SGPP1: variants seen among roughly 807,000 people sequenced by gnomAD.
SGPP1 encodes the protein hSPP1.
SGPP1 carries 21 observed loss-of-function variants against 33.0 expected under a neutral mutation model. The observed-to-expected ratio is 0.64, with a 90% CI of 0.45 to 0.92. The LOEUF (loss-of-function observed/expected upper bound fraction) is 0.92. SGPP1 is among the 40% of genes least tolerant of loss of function. SGPP1 has a pLI of 0.00. For missense variants in SGPP1, 543 were observed against 589.4 expected (o/e 0.92, Z 0.81); for synonymous variants, 239 against 241.2 (o/e 0.99, Z 0.08).
chr14:63,713,015 G>A (rs1885556482), intron 1 of SGPP1, among the ~76,000 whole-genome samples: 1 of 151,310 alleles, frequency 6.6e-6, no homozygotes, highest in Admixed American at 6.6e-5. Flanking sequence ...GCCTCCCAAA[G>A]TTCTGGGATT....
intron 1 of SGPP1, among the ~76,000 whole-genome samples, chr14:63,699,638 G>A (rs1885254808): frequency 6.6e-6 from 1 of 152,046 alleles, no homozygotes; most frequent in Non-Finnish European, 1.5e-5. Context: ...ATTCCCAGGT[G>A]TGATAATAGC....
intron 1 of SGPP1, among the ~76,000 whole-genome samples, chr14:63,716,355 GT>G (rs1885626163): frequency 6.6e-6 from 1 of 151,924 alleles, no homozygotes; most frequent in Admixed American, 6.6e-5. Flanking sequence ...TTACCTGGGT[GT>G]GGTGGCGAGC....
At chr14:63,696,078 A>C (rs989950182) in intron 2 of SGPP1, among the ~76,000 whole-genome samples, 8 of 152,160 alleles carry the variant, frequency 5.3e-5, no homozygotes, top group Admixed American at 2.0e-4. Flanking sequence ...ACTTGAGGTC[A>C]GGAGTTCGAG....
At chr14:63,724,181 T>C (rs530458768) in intron 1 of SGPP1, among the ~76,000 whole-genome samples, 1 of 152,180 alleles carries the variant, frequency 6.6e-6, no homozygotes, top group South Asian at 2.1e-4. Flanking sequence ...CACCTGGCCA[T>C]ATACTGTCAT....
intron 1 of SGPP1, among the ~76,000 whole-genome samples, chr14:63,711,885 C>G (rs1347343983): frequency 6.6e-6 from 1 of 151,962 alleles, no homozygotes; most frequent in African/African-American, 2.4e-5. Context: ...TAAAACTTAG[C>G]TAGGCGTGGT....
intron 2 of SGPP1, among the ~76,000 whole-genome samples, chr14:63,688,714 CTTTT>C (rs776698745): frequency 7.1e-6 from 1 of 140,884 alleles, no homozygotes; most frequent in African/African-American, 2.7e-5. Context: ...ACCGTCATTT[CTTTT>C]TTTTTTCTTT....
rs1669033988 is a variant in SGPP1 at position 63,727,600 on chromosome 14, G to C, written c.345C>G (p.Gly115=). ...AGALRRNSLT[G]EEGQLARVSN... ...TCACGCGGGCCAGCTGGCCCTCCTC[G>C]CCCGTCAGCGAGTTGCGGCGCAGAG... Residue 115 remains glycine, a synonymous_variant, in exon 1 of 3, where the codon GGC becomes GGG. Coordinates refer to ENST00000247225, the MANE Select transcript of SGPP1 (RefSeq NM_030791.4). The C allele has an allele frequency of 5.2e-6, 8 of 1,546,312 alleles. No homozygotes were observed. Among genetic ancestry groups the C allele is most frequent in the African/African-American group, 1.4e-5 (1 of 71,078 alleles).
intron 1 of SGPP1, among the ~76,000 whole-genome samples, chr14:63,722,448 T>C (rs1441034214): frequency 6.6e-6 from 1 of 151,350 alleles, no homozygotes. Context: ...GGAGAACTAC[T>C]TGAACCCAGG....
In SGPP1 at chr14:63,727,270, G is replaced by A. The variant is rs770398721; in HGVS notation, c.675C>T (p.Gly225=). 9 of 1,610,422 alleles carry A rather than the reference G, an allele frequency of 5.6e-6. No homozygotes were observed. In the East Asian group the frequency reaches 2.0e-4, roughly 36 times the overall value. The change falls in exon 1 of 3, where the codon GGC becomes GGT. Residue 225 remains glycine, a synonymous_variant. Transcript: ENST00000247225. The stretch of plus-strand genomic sequence containing the variant: ...CGAGAAGGAACCCTACCTGCCAGCG[G>A]CCATAGGTGAGGAGGACCATAGAAA... ...IPISMVLLTY[G]RWQYPLIYGL...
chr14:63,709,072 G>A (rs1257698490), intron 1 of SGPP1, among the ~76,000 whole-genome samples: 4 of 152,146 alleles, frequency 2.6e-5, no homozygotes, highest in Non-Finnish European at 5.9e-5. Context: ...AGGTAGAAGA[G>A]AGCTTAAAGA....
At chr14:63,700,050 C>T (rs951524072) in intron 1 of SGPP1, among the ~76,000 whole-genome samples, 2 of 151,712 alleles carry the variant, frequency 1.3e-5, no homozygotes, top group African/African-American at 2.4e-5. Flanking sequence ...GCAGTCTCAA[C>T]CTCCCAGGCT....
At chr14:63,711,290 C>T (rs1314779657) in intron 1 of SGPP1, among the ~76,000 whole-genome samples, 2 of 152,190 alleles carry the variant, frequency 1.3e-5, no homozygotes, top group African/African-American at 4.8e-5. Flanking sequence ...GCTGGGATTA[C>T]AGGCGTGAGC....
intron 1 of SGPP1, among the ~76,000 whole-genome samples, chr14:63,709,304 G>A (rs1396737519): frequency 6.6e-6 from 1 of 151,600 alleles, no homozygotes; most frequent in Non-Finnish European, 1.5e-5. Flanking sequence ...AACCCAGGCG[G>A]CAGAGGTTGC....
At chr14:63,700,057 G>A (rs1885264391) in intron 1 of SGPP1, among the ~76,000 whole-genome samples, 1 of 151,860 alleles carries the variant, frequency 6.6e-6, no homozygotes, top group Admixed American at 6.6e-5. Context: ...CAACCTCCCA[G>A]GCTCAAGCAA....
rs190170493 is a variant in SGPP1 at position 63,686,482 on chromosome 14, C to G, written c.949G>C (p.Gly317Arg). Residue 317 changes from glycine to arginine, a missense_variant, in exon 3 of 3, where the codon GGA becomes CGA. Physicochemically the swap from Gly to Arg is moderately radical, Grantham distance 125. Coordinates refer to ENST00000247225, the MANE Select transcript of SGPP1 (RefSeq NM_030791.4). ...CTTCCTAGTATCTCGGCTGTGTCTCCTCGGGATGTGCTCCAGGTGTCAAGA... is the reference window on the plus strand; with the variant it reads ...CTTCCTAGTATCTCGGCTGTGTCTCGTCGGGATGTGCTCCAGGTGTCAAGA... ...FTLDTWSTSR[G>R]DTAEILGSGA... 11 of 1,613,908 alleles carry G rather than the reference C, an allele frequency of 6.8e-6. No homozygotes were observed. Among genetic ancestry groups the G allele is most frequent in the Middle Eastern group, 3.3e-4 (2 of 6,084 alleles).
chr14:63,717,438 C>T (rs933731534), intron 1 of SGPP1, among the ~76,000 whole-genome samples: 6 of 151,934 alleles, frequency 3.9e-5, no homozygotes, highest in African/African-American at 1.5e-4. Context: ...TCTCCTGCCT[C>T]AACCTCCCGA....
chr14:63,684,638 T>C lies in SGPP1; in HGVS notation c.*1467A>G, dbSNP rs963924666. ...CTGAAGTGATAGTTCTGGATAATCA[T>C]ACAGATATTGCACTAAAATCAGTAA... On this transcript the variant is annotated 3_prime_UTR_variant, in exon 3 of 3. Transcript: ENST00000247225. 1 of 152,488 alleles carries C rather than the reference T, an allele frequency of 6.6e-6. No individual in the cohort carries two copies. Among genetic ancestry groups the C allele is most frequent in the Non-Finnish European group, 1.5e-5 (1 of 67,906 alleles). The allele number at this position is 152,488 out of a possible 1,614,324, so 9.4% of individuals were successfully genotyped here.
intron 1 of SGPP1, among the ~76,000 whole-genome samples, chr14:63,715,639 C>T (rs1171870821): frequency 2.0e-5 from 3 of 152,028 alleles, no homozygotes; most frequent in Non-Finnish European, 4.4e-5. Flanking sequence ...CAGCAGTTTC[C>T]CTGAGTTAAG....
intron 1 of SGPP1, among the ~76,000 whole-genome samples, chr14:63,719,983 G>T (rs1189101791): frequency 6.6e-6 from 1 of 151,300 alleles, no homozygotes; most frequent in Admixed American, 6.6e-5. Context: ...AAAATTAGCT[G>T]GACATGGTGG....
Sources: allele counts gnomAD v4.1 joint callset (sites outside exome capture counted in the v4.1 genomes callset), GRCh38; gene constraint gnomAD v4.1.1; transcripts MANE v1.5; gene names NCBI Gene and HGNC (gene_info 2026-07-23, HGNC 2026-07-21).